CLMN: variants seen among roughly 807,000 people sequenced by gnomAD.
The protein encoded by CLMN is calmin.
In CLMN, 57 loss-of-function variants were observed where a neutral mutation model predicts 92.7. The ratio of observed to expected loss-of-function variants is 0.61; its 90% CI spans 0.50 to 0.77. The LOEUF is 0.77. Among genes scored for constraint, CLMN ranks in the 30% least tolerant of loss-of-function variants. CLMN has a pLI of 0.00. For missense variants in CLMN, 1,158 were observed against 1,237.5 expected (o/e 0.94, Z 0.96); for synonymous variants, 466 against 470.6 (o/e 0.99, Z 0.13).
At chr14:95,231,796 A>C (rs1177329261) in intron 1 of CLMN, among the ~76,000 whole-genome samples, 1 of 152,190 alleles carries the variant, frequency 6.6e-6, no homozygotes, top group Non-Finnish European at 1.5e-5. Context: ...TATTCCAATC[A>C]TGGCAAAGGT....
Position 95,204,107 on chromosome 14 carries a change from G to A in CLMN, c.1242C>T (p.Asn414=), listed in dbSNP as rs368432142. The part of the protein sequence containing the change: ...ESSILSSRKE[N]GRSNSLPIKK... ...TGATCGGCAAAGAGTTGGACCTCCC[G>A]TTCTCCTTTCTGGATGATAAAATGG... Residue 414 remains asparagine, a synonymous_variant, in exon 9 of 13, where the codon AAC becomes AAT. Transcript: ENST00000298912. The A allele has an allele frequency of 8.7e-5, 140 of 1,613,986 alleles. No individual in the cohort carries two copies. The highest frequency in any genetic ancestry group is 4.9e-4 in the African/African-American group (37 of 74,874).
At chr14:95,282,861 C>A (rs1398994401) in intron 1 of CLMN, among the ~76,000 whole-genome samples, 1 of 152,258 alleles carries the variant, frequency 6.6e-6, no homozygotes, top group African/African-American at 2.4e-5. Flanking sequence ...AGGAGCAGAA[C>A]TGGAGCCTGT....
Position 95,186,552 on chromosome 14 carries a change from C to T in CLMN, c.*5012G>A, listed in dbSNP as rs1595542236. ...TCCGCGCTGTTTGTTTGCTGGCAAA[C>T]ACCTGTGTGGACTACTTGTTTCTTT... On this transcript the variant is annotated 3_prime_UTR_variant, in exon 13 of 13. Coordinates refer to ENST00000298912, the MANE Select transcript of CLMN (RefSeq NM_024734.4). The T allele has an allele frequency of 1.3e-5, 2 of 152,354 alleles. No individual in the cohort carries two copies. The highest frequency in any genetic ancestry group is 3.9e-4 in the East Asian group (2 of 5,182). The allele number at this position is 152,354 out of a possible 1,614,324, so 9.4% of individuals were successfully genotyped here. A position where few individuals can be genotyped will look rare whatever the true frequency, so the allele number is the denominator to read the frequency against.
At chr14:95,224,293 A>C (rs1288915890) in intron 2 of CLMN, among the ~76,000 whole-genome samples, 3 of 151,996 alleles carry the variant, frequency 2.0e-5, no homozygotes, top group Non-Finnish European at 2.9e-5. Context: ...TTATTTATTT[A>C]TTTTGAGACA....
intron 1 of CLMN, among the ~76,000 whole-genome samples, chr14:95,310,138 G>A (rs184716345): frequency 6.6e-6 from 1 of 152,274 alleles, no homozygotes; most frequent in East Asian, 1.9e-4. Flanking sequence ...TGCCGTGATT[G>A]GAAGCTTCCT....
intron 1 of CLMN, among the ~76,000 whole-genome samples, chr14:95,251,467 T>C (rs1898783435): frequency 6.6e-6 from 1 of 152,220 alleles, no homozygotes; most frequent in Admixed American, 6.5e-5. Flanking sequence ...ATTCTTTTGT[T>C]ACAGAACGAG....
intron 1 of CLMN, among the ~76,000 whole-genome samples, chr14:95,263,883 T>C (rs1899358493): frequency 6.6e-6 from 1 of 152,176 alleles, no homozygotes; most frequent in Non-Finnish European, 1.5e-5. Flanking sequence ...AAATGCCCAG[T>C]GAGTGTCGGT....
intron 1 of CLMN, among the ~76,000 whole-genome samples, chr14:95,319,090 G>A (rs1428247414): frequency 6.6e-6 from 1 of 152,114 alleles, no homozygotes. Flanking sequence ...CAGCGTGGGG[G>A]AAGGGTGGGG....
intron 1 of CLMN, among the ~76,000 whole-genome samples, chr14:95,310,551 T>G (rs1449260732): frequency 6.6e-6 from 1 of 152,208 alleles, no homozygotes; most frequent in Non-Finnish European, 1.5e-5. Flanking sequence ...TGTGGACATC[T>G]TGCAGGGGAG....
chr14:95,245,903 A>ATGG (rs1898551338), intron 1 of CLMN, among the ~76,000 whole-genome samples: 5 of 148,202 alleles, frequency 3.4e-5, no homozygotes, highest in Non-Finnish European at 6.0e-5. Context: ...CACACGGATG[A>ATGG]ATGGATGGAT....
rs776265938 is a variant in CLMN, at chr14:95,203,140, C to T, written c.2209G>A (p.Ala737Thr). 6.8e-6 allele frequency: 11 copies of T among 1,612,736 alleles called. No homozygotes were observed. Among genetic ancestry groups the T allele is most frequent in the Non-Finnish European group, 9.3e-6 (11 of 1,180,024 alleles). ...FYFPHYEVPLAAVLEAYVEDP... is the reference protein window; with the variant it reads ...FYFPHYEVPLTAVLEAYVEDP... Reference sequence around the variant, plus strand: ...TCTACATAAGCCTCCAAAACTGCAGCCAGGGGAACCTCATAGTGTGGGAAA... The same window carrying T: ...TCTACATAAGCCTCCAAAACTGCAGTCAGGGGAACCTCATAGTGTGGGAAA... The change falls in exon 9 of 13, where the codon GCT becomes ACT. Residue 737 changes from alanine (A) to threonine (T), a missense_variant. Ala to Thr is a moderately conservative substitution (Grantham distance 58, BLOSUM62 0). Transcript: ENST00000298912.
At chr14:95,247,088 G>A (rs78244806) in intron 1 of CLMN, among the ~76,000 whole-genome samples, 35,210 of 152,070 alleles carry the variant, frequency 0.23, 5,307 homozygotes, top group African/African-American at 0.42. Context: ...CTGGGTGAAG[G>A]TACTCAGGAA....
rs1440335909 is a variant in CLMN, at chr14:95,182,698, C to T, written c.*8866G>A. The T allele has an allele frequency of 1.3e-5, 2 of 152,098 alleles. No homozygotes were observed. Among genetic ancestry groups the T allele is most frequent in the Non-Finnish European group, 2.9e-5 (2 of 68,028 alleles). The allele number at this position is 152,098 out of a possible 1,614,324, so 9.4% of individuals were successfully genotyped here. On this transcript the variant is annotated 3_prime_UTR_variant, in exon 13 of 13. Coordinates refer to ENST00000298912, the MANE Select transcript of CLMN (RefSeq NM_024734.4). ...TAGAATTTCAGAAGCCTTTTTGAGT[C>T]GTTACTCGGGGAAGGGGAAAAGATG...
chr14:95,193,213 TA>T, intron 12 of CLMN: 1 of 721,656 alleles, frequency 1.4e-6, no homozygotes, highest in Non-Finnish European at 2.4e-6. Flanking sequence ...CTCAGAATTG[TA>T]AGAATTTGAG....
chr14:95,292,679 G>C, intron 1 of CLMN, among the ~76,000 whole-genome samples: 1 of 152,126 alleles, frequency 6.6e-6, no homozygotes, highest in Non-Finnish European at 1.5e-5. Context: ...GGTGGTAGGG[G>C]AGGGTGGGGA....
At chr14:95,276,974 C>T (rs1280932116) in intron 1 of CLMN, among the ~76,000 whole-genome samples, 2 of 150,330 alleles carry the variant, frequency 1.3e-5, no homozygotes, top group African/African-American at 4.9e-5. Context: ...CATGGCTTGG[C>T]CCCCCCATAG....
At chr14:95,233,366 T>G (rs887173387) in intron 1 of CLMN, among the ~76,000 whole-genome samples, 3 of 151,934 alleles carry the variant, frequency 2.0e-5, no homozygotes, top group Admixed American at 6.6e-5. Flanking sequence ...CATCCATCCA[T>G]CCAGCCATCC....
At chr14:95,258,908 T>C (rs536841306) in intron 1 of CLMN, among the ~76,000 whole-genome samples, 1 of 151,548 alleles carries the variant, frequency 6.6e-6, no homozygotes, top group East Asian at 1.9e-4. Flanking sequence ...TGTGTGTGTA[T>C]GTGGAGGATA....
chr14:95,247,178 T>C (rs892059014), intron 1 of CLMN, among the ~76,000 whole-genome samples: 1 of 152,168 alleles, frequency 6.6e-6, no homozygotes, highest in Non-Finnish European at 1.5e-5. Context: ...ACTATGGCTA[T>C]ATTGGTGGAA....
Sources: gnomAD v4.1 joint callset for allele counts (sites outside exome capture counted in the v4.1 genomes callset) on GRCh38, gnomAD v4.1.1 for gene constraint, MANE v1.5 for transcripts, NCBI Gene and HGNC (gene_info 2026-07-23, HGNC 2026-07-21) for gene names.